TENM1: variants seen among roughly 807,000 people sequenced by gnomAD.
TENM1 encodes teneurin transmembrane protein 1.
A neutral mutation model predicts 174.8 loss-of-function variants in TENM1; 35 were observed. The ratio of observed to expected loss-of-function variants is 0.20; its 90% CI spans 0.15 to 0.27. The LOEUF is 0.27. Among genes scored for constraint, TENM1 ranks in the 10% least tolerant of loss-of-function variants. The pLI is 1.00. For missense variants in TENM1, 1,633 were observed against 2,130.1 expected (o/e 0.77, Z 4.59); for synonymous variants, 781 against 798.7 (o/e 0.98, Z 0.37).
chrX:124,396,812 C>T lies in TENM1; in HGVS notation c.5392-4464G>A, dbSNP rs188770116. On this transcript the variant is annotated intron_variant, in intron 27 of 31. Coordinates refer to ENST00000422452, the Ensembl canonical transcript of TENM1. ...CACTCTTGTTTCAGTATTCAATCTA[C>T]ACTAATCCTTTCCCTGGAAAAGAGA... 3.1e-3 allele frequency among the ~76,000 whole-genome samples: 343 copies of T among 111,385 alleles called. 1 individual carries two copies. The highest frequency in any genetic ancestry group is 4.0e-3 in the Non-Finnish European group (213 of 53,134).
chrX:125,125,187 T>C, the TENM1 span, among the ~76,000 whole-genome samples: 1 of 111,956 alleles, frequency 8.9e-6, no homozygotes, highest in African/African-American at 3.2e-5. Flanking sequence ...TCAACAAATA[T>C]ACCACCTTAA....
chrX:125,164,704 G>A, the TENM1 span, among the ~76,000 whole-genome samples: 5 of 111,603 alleles, frequency 4.5e-5, no homozygotes, highest in South Asian at 7.5e-4. Context: ...AGGCATAATC[G>A]CAACATTCCA....
At chrX:125,155,916 G>A in the TENM1 span, among the ~76,000 whole-genome samples, 1 of 112,801 alleles carries the variant, frequency 8.9e-6, no homozygotes, top group Non-Finnish European at 1.9e-5. Context: ...CCACAGTGCA[G>A]CGGCGGGCTG....
intron 22 of TENM1, among the ~76,000 whole-genome samples, chrX:124,463,984 C>A (rs1308350694): frequency 9.1e-6 from 1 of 109,506 alleles, no homozygotes; most frequent in Non-Finnish European, 1.9e-5. Context: ...AAGATGCCTG[C>A]AGGCTGAGAT....
intron 10 of TENM1, among the ~76,000 whole-genome samples, chrX:124,643,559 G>A (rs1430152368): frequency 9.0e-6 from 1 of 111,330 alleles, no homozygotes; most frequent in Non-Finnish European, 1.9e-5. Flanking sequence ...TTAAATTTTG[G>A]CAAATAAGTC....
intron 3 of TENM1, among the ~76,000 whole-genome samples, chrX:124,872,701 G>T (rs1405998470): frequency 1.8e-5 from 2 of 111,979 alleles, no homozygotes; most frequent in Non-Finnish European, 3.8e-5. Flanking sequence ...GAAATTTGCA[G>T]CTGTGTTCTT....
At chrX:125,101,766 T>G in the TENM1 span, among the ~76,000 whole-genome samples, 1 of 112,113 alleles carries the variant, frequency 8.9e-6, no homozygotes, top group Non-Finnish European at 1.9e-5. Flanking sequence ...GGCTTTTTAT[T>G]TTTTCTTTTT....
intron 3 of TENM1, among the ~76,000 whole-genome samples, chrX:124,843,386 T>C (rs1359226758): frequency 1.8e-5 from 2 of 111,443 alleles, no homozygotes; most frequent in Admixed American, 9.6e-5. Flanking sequence ...CTATTTGCAA[T>C]AGCTTCAGTA....
intron 18 of TENM1, among the ~76,000 whole-genome samples, chrX:124,510,775 T>TACACACACACACATACAC (rs1556652503): frequency 3.9e-5 from 4 of 103,543 alleles, no homozygotes; most frequent in Non-Finnish European, 7.8e-5. Context: ...CATGGGGAGA[T>TACACACACACACATACAC]ACACACACAC....
At chrX:124,594,026 C>T (rs186567045) in intron 11 of TENM1, among the ~76,000 whole-genome samples, 9 of 112,524 alleles carry the variant, frequency 8.0e-5, no homozygotes, top group Admixed American at 3.7e-4. Context: ...ATCTGGCTCT[C>T]ATTCTTGGGT....
chrX:124,855,097 C>T (rs955347674), intron 3 of TENM1, among the ~76,000 whole-genome samples: 16 of 111,196 alleles, frequency 1.4e-4, no homozygotes, highest in African/African-American at 4.2e-4. Flanking sequence ...TTGAGATGTT[C>T]TGGCTTAATT....
chrX:124,533,587 T>C (rs929788735), intron 15 of TENM1, among the ~76,000 whole-genome samples: 1 of 111,775 alleles, frequency 8.9e-6, no homozygotes, highest in Non-Finnish European at 1.9e-5. Flanking sequence ...CGAGGAAGCA[T>C]CTTGAGTTCT....
intron 22 of TENM1, among the ~76,000 whole-genome samples, chrX:124,469,543 C>G (rs1242299525): frequency 9.0e-6 from 1 of 111,328 alleles, no homozygotes; most frequent in Non-Finnish European, 1.9e-5. Flanking sequence ...TCACAGGGCT[C>G]AAATTGGAGA....
intron 5 of TENM1, among the ~76,000 whole-genome samples, chrX:124,675,551 A>AT (rs1250572682): frequency 9.1e-6 from 1 of 110,053 alleles, no homozygotes; most frequent in African/African-American, 3.3e-5. Flanking sequence ...AGTCATATTC[A>AT]CATGTTGATT....
At chrX:125,085,665 T>C in the TENM1 span, among the ~76,000 whole-genome samples, 1 of 111,591 alleles carries the variant, frequency 9.0e-6, no homozygotes, top group Non-Finnish European at 1.9e-5. Context: ...TCATTTCATT[T>C]CCTATTCTGA....
At chrX:124,946,405 A>T (rs2058403514) in intron 1 of TENM1, among the ~76,000 whole-genome samples, 1 of 111,751 alleles carries the variant, frequency 8.9e-6, no homozygotes, top group Non-Finnish European at 1.9e-5. Context: ...TATTAACCGT[A>T]TGAAAGAGGA....
intron 11 of TENM1, among the ~76,000 whole-genome samples, chrX:124,582,146 G>A (rs191201960): frequency 2.7e-5 from 3 of 111,621 alleles, no homozygotes; most frequent in Non-Finnish European, 5.6e-5. Flanking sequence ...TTGGTTTTCT[G>A]TTCCTGTGTT....
chrX:125,035,382 A>G, the TENM1 span, among the ~76,000 whole-genome samples: 1 of 111,667 alleles, frequency 9.0e-6, no homozygotes, highest in Admixed American at 9.6e-5. Context: ...GAATTTATGG[A>G]TTTAACATTT....
intron 1 of TENM1, among the ~76,000 whole-genome samples, chrX:124,940,404 T>C (rs1283801354): frequency 8.9e-6 from 1 of 111,902 alleles, no homozygotes; most frequent in Non-Finnish European, 1.9e-5. Context: ...ATAAATACTA[T>C]ATTGATCATA....
Sources: gnomAD v4.1 joint callset for allele counts (sites outside exome capture counted in the v4.1 genomes callset) on GRCh38, gnomAD v4.1.1 for gene constraint, MANE v1.5 for transcripts, NCBI Gene and HGNC (gene_info 2026-07-23, HGNC 2026-07-21) for gene names.